Variants in PDE7B observed in about 807,000 individuals in gnomAD.
PDE7B encodes 3',5'-cyclic-AMP phosphodiesterase 7B.
In PDE7B, 29 loss-of-function variants were observed where a neutral mutation model predicts 56.2. The ratio of observed to expected loss-of-function variants is 0.52; its 90% CI spans 0.38 to 0.70. The LOEUF (loss-of-function observed/expected upper bound fraction) is 0.70. Ranked by LOEUF, PDE7B falls within the 30% of genes least tolerant of loss-of-function variation. The probability of loss-of-function intolerance (pLI) is 0.00; values close to 1 mark genes in which losing one functional copy is unlikely to be tolerated. For missense variants in PDE7B, 490 were observed against 565.0 expected, an observed-to-expected ratio of 0.87 and a Z score of 1.35; for synonymous variants, 197 against 196.9, an observed-to-expected ratio of 1.00 and a Z score of 0.00.
At chr6:136,109,249 G>T (rs2128217994) in intron 3 of PDE7B, among the ~76,000 whole-genome samples, 1 of 152,262 alleles carries the variant, frequency 6.6e-6, no homozygotes, top group African/African-American at 2.4e-5. Context: ...TGAGGTGAGA[G>T]AATAGCTTGA....
At chr6:136,158,589 G>A (rs1410994274) in intron 8 of PDE7B, among the ~76,000 whole-genome samples, 3 of 152,290 alleles carry the variant, frequency 2.0e-5, no homozygotes, top group Admixed American at 2.0e-4. Flanking sequence ...CATCCAGCCT[G>A]TTATTCTACC....
At chr6:136,091,448 G>A (rs958789634) in intron 2 of PDE7B, among the ~76,000 whole-genome samples, 1 of 152,186 alleles carries the variant, frequency 6.6e-6, no homozygotes, top group African/African-American at 2.4e-5. Flanking sequence ...TTTCTAAGTC[G>A]CTGCATGTCA....
intron 2 of PDE7B, among the ~76,000 whole-genome samples, chr6:136,106,683 G>C (rs772392216): frequency 6.6e-6 from 1 of 152,062 alleles, no homozygotes; most frequent in South Asian, 2.1e-4. Context: ...CTCCTCACAG[G>C]GTTATTATGA....
intron 2 of PDE7B, among the ~76,000 whole-genome samples, chr6:135,975,216 A>G (rs1162260968): frequency 2.0e-5 from 3 of 152,014 alleles, no homozygotes; most frequent in Non-Finnish European, 4.4e-5. Flanking sequence ...TGATTGATAA[A>G]TGTTGGCAAC....
chr6:136,000,862 C>T (rs903011732), intron 2 of PDE7B, among the ~76,000 whole-genome samples: 11 of 152,220 alleles, frequency 7.2e-5, no homozygotes, highest in Non-Finnish European at 1.6e-4. Context: ...TCCCAGCACG[C>T]AGCTGGAGAT....
intron 8 of PDE7B, among the ~76,000 whole-genome samples, chr6:136,157,194 C>T (rs921544655): frequency 1.3e-5 from 2 of 152,136 alleles, no homozygotes; most frequent in African/African-American, 4.8e-5. Context: ...TGCATCCTGC[C>T]TCTGAAATTC....
intron 1 of PDE7B, among the ~76,000 whole-genome samples, chr6:135,931,574 G>A (rs919719829): frequency 8.6e-5 from 13 of 152,044 alleles, no homozygotes; most frequent in African/African-American, 3.1e-4. Flanking sequence ...TATAATAAAT[G>A]AGTAACAATG....
At chr6:136,156,724 G>GA (rs1778611382) in intron 8 of PDE7B, among the ~76,000 whole-genome samples, 1 of 152,108 alleles carries the variant, frequency 6.6e-6, no homozygotes, top group Non-Finnish European at 1.5e-5. Context: ...TAGCTGGCTA[G>GA]AAAAAAAGCT....
intron 1 of PDE7B, among the ~76,000 whole-genome samples, chr6:135,891,911 A>G (rs1480514592): frequency 6.6e-6 from 1 of 152,088 alleles, no homozygotes; most frequent in African/African-American, 2.4e-5. Context: ...TTATTATCAT[A>G]ATTACTCCTG....
At chr6:136,165,957 GC>G (rs1469043480) in intron 8 of PDE7B, among the ~76,000 whole-genome samples, 2 of 152,198 alleles carry the variant, frequency 1.3e-5, no homozygotes, top group African/African-American at 4.8e-5. Context: ...CATACGTGAT[GC>G]TTAATCTTAA....
At chr6:135,895,558 G>C (rs948449713) in intron 1 of PDE7B, among the ~76,000 whole-genome samples, 5 of 152,112 alleles carry the variant, frequency 3.3e-5, no homozygotes, top group Admixed American at 1.3e-4. Flanking sequence ...TGTAAGTTCA[G>C]TGCTGGTCGG....
chr6:135,987,657 G>T (rs1775406107), intron 2 of PDE7B, among the ~76,000 whole-genome samples: 1 of 152,062 alleles, frequency 6.6e-6, no homozygotes, highest in African/African-American at 2.4e-5. Flanking sequence ...AGGAGCCCCT[G>T]GTTGCAGGAA....
intron 3 of PDE7B, among the ~76,000 whole-genome samples, chr6:136,145,160 T>C (rs1778392750): frequency 6.6e-6 from 1 of 152,216 alleles, no homozygotes; most frequent in Non-Finnish European, 1.5e-5. Context: ...TGGCACATTC[T>C]ACAAGGAAGA....
At chr6:136,095,544 A>C (rs1207103917) in intron 2 of PDE7B, among the ~76,000 whole-genome samples, 1 of 152,204 alleles carries the variant, frequency 6.6e-6, no homozygotes, top group African/African-American at 2.4e-5. Flanking sequence ...AAGGTCACAG[A>C]GGGAATGGAT....
intron 2 of PDE7B, among the ~76,000 whole-genome samples, chr6:136,039,354 G>A (rs183673087): frequency 6.2e-4 from 95 of 152,256 alleles, no homozygotes; most frequent in Non-Finnish European, 1.3e-3. Flanking sequence ...AAAGTGGTGG[G>A]TTCACTTCAG....
At chr6:136,141,560 C>G (rs1407184949) in intron 3 of PDE7B, among the ~76,000 whole-genome samples, 1 of 152,096 alleles carries the variant, frequency 6.6e-6, no homozygotes. Context: ...CCTCCTTGTA[C>G]CTGTGGTAGA....
intron 2 of PDE7B, among the ~76,000 whole-genome samples, chr6:135,980,278 A>G (rs1166684550): frequency 6.6e-6 from 1 of 152,202 alleles, no homozygotes; most frequent in East Asian, 1.9e-4. Flanking sequence ...TACACCTTAT[A>G]CAAAAATCAA....
In PDE7B at chr6:136,194,498, TTCC is replaced by T. The variant is rs1779281715; in HGVS notation, c.*2661_*2663del. The T allele has an allele frequency of 6.6e-6, 1 of 152,212 alleles. No individual in the cohort carries two copies. Among genetic ancestry groups the T allele is most frequent in the African/African-American group, 2.4e-5 (1 of 41,444 alleles). 9.4% of individuals were successfully genotyped at this position (152,212 alleles called of 1,614,324 possible). A position where few individuals can be genotyped will look rare whatever the true frequency, so the allele number is the denominator to read the frequency against. ...CTCATTCAACTGGGGAGTTCTTGAG[TTCC>T]TCATTTGTTGGTAAAAAGAAAAAGA... On this transcript the variant is annotated 3_prime_UTR_variant, in exon 13 of 13. Coordinates refer to ENST00000308191, the MANE Select transcript of PDE7B (RefSeq NM_018945.4).
At chr6:136,009,798 T>G (rs1018877771) in intron 2 of PDE7B, among the ~76,000 whole-genome samples, 2 of 152,096 alleles carry the variant, frequency 1.3e-5, no homozygotes, top group African/African-American at 4.8e-5. Flanking sequence ...ATTTGACTTC[T>G]TCTTTTCCTA....
Sources: allele counts gnomAD v4.1 joint callset (sites outside exome capture counted in the v4.1 genomes callset), GRCh38; gene constraint gnomAD v4.1.1; transcripts MANE v1.5; gene names NCBI Gene and HGNC (gene_info 2026-07-23, HGNC 2026-07-21).